PLCE1: variants seen among roughly 807,000 people sequenced by gnomAD.
The protein encoded by PLCE1 is phospholipase C epsilon 1.
Under a neutral mutation model 242.8 loss-of-function variants are expected in PLCE1, and 119 were observed. The observed-to-expected ratio is 0.49, with a 90% CI of 0.42 to 0.57. The LOEUF (loss-of-function observed/expected upper bound fraction) is 0.57, where lower values mean the gene tolerates loss of function less well. Among genes scored for constraint, PLCE1 ranks in the 20% least tolerant of loss-of-function variants. PLCE1 has a pLI of 0.00. For synonymous variants in PLCE1, 945 were observed against 1,017.4 expected, an observed-to-expected ratio of 0.93 and a Z score of 1.35; for missense variants, 2,441 against 2,788.8, an observed-to-expected ratio of 0.88 and a Z score of 2.81.
At chr10:94,166,358 G>A (rs953171609) in intron 3 of PLCE1, among the ~76,000 whole-genome samples, 1 of 152,156 alleles carries the variant, frequency 6.6e-6, no homozygotes, top group African/African-American at 2.4e-5. Flanking sequence ...AAGAAAGCTT[G>A]TGCCCATTTC....
At chr10:94,124,384 A>G (rs927766156) in intron 2 of PLCE1, among the ~76,000 whole-genome samples, 3 of 150,544 alleles carry the variant, frequency 2.0e-5, no homozygotes, top group South Asian at 2.1e-4. Context: ...TCTCAGAGAA[A>G]AAAAAAAAAA....
At chr10:94,127,890 C>T (rs1455806198) in intron 2 of PLCE1, among the ~76,000 whole-genome samples, 1 of 152,152 alleles carries the variant, frequency 6.6e-6, no homozygotes, top group South Asian at 2.1e-4. Context: ...TTGTAATGAC[C>T]GTTCTCTACT....
rs373423379 is a variant in PLCE1, at chr10:94,265,727, T to C, written c.4115+19T>C. The C allele has an allele frequency of 2.5e-6, 4 of 1,613,432 alleles. No homozygotes were observed. Among genetic ancestry groups the C allele is most frequent in the Non-Finnish European group, 3.4e-6 (4 of 1,179,506 alleles). ...TTGCCAGGTAACTTTTAAAATATCT[T>C]TTGCCCATCTTTTAAGAGTAGATGC... On this transcript the variant is annotated intron_variant, in intron 15 of 32. Coordinates refer to ENST00000371380, the MANE Select transcript of PLCE1 (RefSeq NM_016341.4).
intron 5 of PLCE1, among the ~76,000 whole-genome samples, chr10:94,233,025 C>T (rs1589390482): frequency 6.6e-6 from 1 of 152,286 alleles, no homozygotes; most frequent in Non-Finnish European, 1.5e-5. Flanking sequence ...CACAATTCCC[C>T]CCAGAGAAAT....
chr10:94,237,235 T>C (rs1006748544), intron 7 of PLCE1, among the ~76,000 whole-genome samples: 4 of 152,210 alleles, frequency 2.6e-5, no homozygotes, highest in Non-Finnish European at 5.9e-5. Flanking sequence ...GAATTTCATA[T>C]GGCTCTTTTT....
chr10:94,050,451 C>T (rs537478463), intron 2 of PLCE1, among the ~76,000 whole-genome samples: 2 of 152,248 alleles, frequency 1.3e-5, no homozygotes, highest in Admixed American at 1.3e-4. Flanking sequence ...ACTCCCTCAA[C>T]ACGTGGGGTC....
intron 4 of PLCE1, among the ~76,000 whole-genome samples, chr10:94,215,665 T>C (rs926991651): frequency 6.6e-6 from 1 of 152,048 alleles, no homozygotes; most frequent in Non-Finnish European, 1.5e-5. Context: ...AGATAAGAGC[T>C]AGACATTTGG....
At chr10:93,997,156 A>G (rs1344289654) in intron 1 of PLCE1, among the ~76,000 whole-genome samples, 5 of 152,214 alleles carry the variant, frequency 3.3e-5, no homozygotes, top group South Asian at 2.1e-4. Context: ...CTTTAGCTGT[A>G]TTTCCAAAAT....
intron 1 of PLCE1, among the ~76,000 whole-genome samples, chr10:94,010,320 A>G (rs1206396775): frequency 6.6e-6 from 1 of 152,196 alleles, no homozygotes; most frequent in Non-Finnish European, 1.5e-5. Flanking sequence ...TGGCCTCTGA[A>G]ACCATTCTTT....
chr10:94,165,972 C>G (rs961752797), intron 3 of PLCE1, among the ~76,000 whole-genome samples: 1 of 152,134 alleles, frequency 6.6e-6, no homozygotes, highest in Admixed American at 6.5e-5. Context: ...TCCCAAAGTG[C>G]TGGGATTGCA....
intron 11 of PLCE1, among the ~76,000 whole-genome samples, chr10:94,255,902 ACACACACACACACTCT>A (rs2051057856): frequency 1.0e-5 from 1 of 97,880 alleles, no homozygotes; most frequent in African/African-American, 4.2e-5. Flanking sequence ...ACACACACAC[ACACACACACACACTCT>A]CTCTCTCTCT....
intron 7 of PLCE1, among the ~76,000 whole-genome samples, chr10:94,241,586 T>C (rs1411290909): frequency 6.6e-6 from 1 of 151,978 alleles, no homozygotes; most frequent in Non-Finnish European, 1.5e-5. Flanking sequence ...GGTCAGGAGT[T>C]CAAGACCAGC....
At chr10:94,072,074 T>G (rs1225214228) in intron 2 of PLCE1, among the ~76,000 whole-genome samples, 1 of 152,130 alleles carries the variant, frequency 6.6e-6, no homozygotes, top group African/African-American at 2.4e-5. Flanking sequence ...TGGCTAAAAC[T>G]CTTTCTGATT....
At chr10:94,143,962 G>A (rs2047043584) in intron 3 of PLCE1, among the ~76,000 whole-genome samples, 1 of 152,136 alleles carries the variant, frequency 6.6e-6, no homozygotes, top group African/African-American at 2.4e-5. Context: ...GACAGTAGCG[G>A]GTATTTTGCC....
At chr10:94,020,621 T>A (rs2061360272) in intron 1 of PLCE1, among the ~76,000 whole-genome samples, 3 of 152,182 alleles carry the variant, frequency 2.0e-5, no homozygotes, top group Admixed American at 1.3e-4. Context: ...CGGACTATTA[T>A]CTATTTTGAG....
chr10:94,091,616 G>T (rs1487791746), intron 2 of PLCE1, among the ~76,000 whole-genome samples: 3 of 152,192 alleles, frequency 2.0e-5, no homozygotes, highest in African/African-American at 4.8e-5. Context: ...CTTAGGAATT[G>T]AAAATGCTCT....
intron 2 of PLCE1, chr10:94,105,785 A>G (rs1213254121): frequency 6.6e-6 from 1 of 152,080 alleles, no homozygotes; most frequent in Non-Finnish European, 1.5e-5. Flanking sequence ...ATCTTTTCCC[A>G]TTTTGCTCGC....
intron 27 of PLCE1, among the ~76,000 whole-genome samples, chr10:94,309,350 T>C (rs2053309422): frequency 6.6e-6 from 1 of 151,794 alleles, no homozygotes; most frequent in South Asian, 2.1e-4. Flanking sequence ...TGTGTCTCTG[T>C]CACCCAGTGT....
At chr10:94,114,847 C>A (rs1268633486) in intron 2 of PLCE1, among the ~76,000 whole-genome samples, 7 of 151,756 alleles carry the variant, frequency 4.6e-5, no homozygotes, top group Non-Finnish European at 8.8e-5. Context: ...ATACATGTGC[C>A]ATGTTGGTGT....
Sources: gnomAD v4.1 joint callset for allele counts (sites outside exome capture counted in the v4.1 genomes callset) on GRCh38, gnomAD v4.1.1 for gene constraint, MANE v1.5 for transcripts, NCBI Gene and HGNC (gene_info 2026-07-23, HGNC 2026-07-21) for gene names.